BFSP2: variants seen among roughly 807,000 people sequenced by gnomAD.
BFSP2 encodes the protein beaded filament structural protein 2.
BFSP2 carries 38 observed loss-of-function variants against 44.9 expected under a neutral mutation model. That is an observed-to-expected ratio of 0.85 (90% CI 0.65 to 1.11). BFSP2 has a LOEUF of 1.11. BFSP2 is among the 50% of genes least tolerant of loss of function. The pLI, the probability that BFSP2 is intolerant of heterozygous loss-of-function variation, is 0.00. For synonymous variants in BFSP2, 197 were observed against 209.9 expected (o/e 0.94, Z 0.53); for missense variants, 525 against 533.0 (o/e 0.99, Z 0.15).
chr3:133,424,053 G>A (rs1284729343), intron 1 of BFSP2, among the ~76,000 whole-genome samples: 1 of 147,950 alleles, frequency 6.8e-6, no homozygotes, highest in Admixed American at 6.7e-5. Context: ...TTTTTTTTGC[G>A]GGGGCGGGGG....
At chr3:133,410,957 T>A (rs1001901275) in intron 1 of BFSP2, 1 of 152,356 alleles carries the variant, frequency 6.6e-6, no homozygotes, top group African/African-American at 2.4e-5. Flanking sequence ...AGTTTAGAGA[T>A]GTTTTAAAGT....
chr3:133,433,049 A>G (rs1410699150), intron 1 of BFSP2, among the ~76,000 whole-genome samples: 1 of 152,098 alleles, frequency 6.6e-6, no homozygotes, highest in African/African-American at 2.4e-5. Flanking sequence ...TACCTGACAC[A>G]TATACTTTCT....
chr3:133,412,995 G>A (rs186724284), intron 1 of BFSP2, among the ~76,000 whole-genome samples: 140 of 152,310 alleles, frequency 9.2e-4, no homozygotes, highest in Non-Finnish European at 1.2e-3. Flanking sequence ...CCACGTCTGT[G>A]CTCTGCTACT....
intron 4 of BFSP2, among the ~76,000 whole-genome samples, chr3:133,460,112 T>C (rs981841879): frequency 1.3e-5 from 2 of 151,630 alleles, no homozygotes; most frequent in Admixed American, 6.6e-5. Context: ...GCTACTCTTA[T>C]ACAAGGCAGG....
intron 1 of BFSP2, among the ~76,000 whole-genome samples, chr3:133,428,072 A>C (rs1559965242): frequency 6.6e-6 from 1 of 152,200 alleles, no homozygotes; most frequent in African/African-American, 2.4e-5. Flanking sequence ...TGGATTCCAG[A>C]GTCTGTATGC....
chr3:133,419,680 G>A (rs369783847), intron 1 of BFSP2, among the ~76,000 whole-genome samples: 92 of 152,346 alleles, frequency 6.0e-4, no homozygotes, highest in African/African-American at 1.8e-3. Flanking sequence ...CTTTAACCAG[G>A]ACGCATGAGG....
At chr3:133,420,251 G>A (rs1207220738) in intron 1 of BFSP2, among the ~76,000 whole-genome samples, 2 of 152,218 alleles carry the variant, frequency 1.3e-5, no homozygotes, top group African/African-American at 4.8e-5. Context: ...GGTTGTTGGG[G>A]AAAGGTTTAA....
At chr3:133,414,019 G>A (rs1339592924) in intron 1 of BFSP2, among the ~76,000 whole-genome samples, 4 of 138,910 alleles carry the variant, frequency 2.9e-5, no homozygotes, top group African/African-American at 5.3e-5. Context: ...GTCCGCTCCC[G>A]TCTACTCACC....
At chr3:133,419,953 G>T (rs1230903244) in intron 1 of BFSP2, among the ~76,000 whole-genome samples, 1 of 152,228 alleles carries the variant, frequency 6.6e-6, no homozygotes, top group Non-Finnish European at 1.5e-5. Context: ...TCGGGTGGGC[G>T]AGGCCTGGCA....
chr3:133,456,669 T>A (rs2074015715), intron 4 of BFSP2, among the ~76,000 whole-genome samples: 1 of 152,178 alleles, frequency 6.6e-6, no homozygotes, highest in South Asian at 2.1e-4. Flanking sequence ...GAGGATCACC[T>A]GAGCCTAGGA....
intron 1 of BFSP2, among the ~76,000 whole-genome samples, chr3:133,409,245 TG>T (rs2073428877): frequency 6.6e-6 from 1 of 151,812 alleles, no homozygotes; most frequent in Non-Finnish European, 1.5e-5. Context: ...TGTGTGTGTG[TG>T]TGTGTGTGTG....
At chr3:133,439,842 G>A (rs1452336584) in intron 1 of BFSP2, among the ~76,000 whole-genome samples, 4 of 152,130 alleles carry the variant, frequency 2.6e-5, no homozygotes, top group African/African-American at 4.8e-5. Context: ...TAAAACATGA[G>A]TTCAAAACAT....
rs57009232 is a variant in BFSP2, at chr3:133,422,853, C to A, written c.489+22281C>A. 5.9e-5 allele frequency among the ~76,000 whole-genome samples: 9 copies of A among 151,720 alleles called. No individual in the cohort carries two copies. In the East Asian group the frequency reaches 1.4e-3, roughly 23 times the overall value. ...GGTTGCCGAGAGACAGCAAAGCCAA[C>A]GCCTCACCCAAGTTCACAAAAGCCC... On this transcript the variant is annotated intron_variant, in intron 1 of 6. Coordinates refer to ENST00000302334, the MANE Select transcript of BFSP2 (RefSeq NM_003571.4).
At chr3:133,441,696 G>C (rs994407124) in intron 1 of BFSP2, among the ~76,000 whole-genome samples, 16 of 152,272 alleles carry the variant, frequency 1.1e-4, no homozygotes, top group African/African-American at 3.6e-4. Flanking sequence ...ACCAGACACT[G>C]TGCTAGGGAT....
intron 3 of BFSP2, 41 bp from the exon 4 acceptor site, chr3:133,450,262 T>C (rs765858451): frequency 4.3e-6 from 7 of 1,610,232 alleles, no homozygotes; most frequent in Non-Finnish European, 5.9e-6. Context: ...GCCATTTATT[T>C]CCCCCCGTAA....
rs143516009 is a variant in BFSP2 at position 133,420,136 on chromosome 3, G to A, written c.489+19564G>A. Among the ~76,000 whole-genome samples the A allele has an allele frequency of 9.6e-4, 147 of 152,362 alleles. 1 individual carries two copies. The highest frequency in any genetic ancestry group is 3.4e-3 in the African/African-American group (142 of 41,576). ...GAGCACATACTCATAGGTGGAAAGAGTGTATTAGCATGCCGCAGCAACAGA... is the reference window on the plus strand; with the variant it reads ...GAGCACATACTCATAGGTGGAAAGAATGTATTAGCATGCCGCAGCAACAGA... On this transcript the variant is annotated intron_variant, in intron 1 of 6. Coordinates refer to ENST00000302334, the MANE Select transcript of BFSP2 (RefSeq NM_003571.4).
chr3:133,420,053 T>A (rs1317651657), intron 1 of BFSP2, among the ~76,000 whole-genome samples: 1 of 152,120 alleles, frequency 6.6e-6, no homozygotes, highest in Non-Finnish European at 1.5e-5. Context: ...GGGGCCAAGA[T>A]GCCAGTCTCC....
At chr3:133,453,720 G>A (rs1438751559) in intron 4 of BFSP2, among the ~76,000 whole-genome samples, 1 of 152,188 alleles carries the variant, frequency 6.6e-6, no homozygotes, top group Non-Finnish European at 1.5e-5. Flanking sequence ...GCAAAAAGAT[G>A]CAGAATCTGG....
chr3:133,474,523 G>T (rs1016804398), intron 6 of BFSP2, among the ~76,000 whole-genome samples: 8 of 152,112 alleles, frequency 5.3e-5, no homozygotes, highest in African/African-American at 1.9e-4. Context: ...ATTGATTTTT[G>T]TTGATTATAA....
Sources: gnomAD v4.1 joint callset for allele counts (sites outside exome capture counted in the v4.1 genomes callset) on GRCh38, gnomAD v4.1.1 for gene constraint, MANE v1.5 for transcripts, NCBI Gene and HGNC (gene_info 2026-07-23, HGNC 2026-07-21) for gene names.